The following GULP1 variants were observed in gnomAD, a reference collection of about 807,000 sequenced individuals.
GULP1 encodes GULP PTB domain containing engulfment adaptor 1, also known as PTB domain-containing engulfment adapter protein 1.
Under a neutral mutation model 40.9 loss-of-function variants are expected in GULP1, and 19 were observed. The observed-to-expected ratio is 0.46, with a 90% CI of 0.32 to 0.68. The LOEUF (loss-of-function observed/expected upper bound fraction) is 0.68. Among genes scored for constraint, GULP1 ranks in the 30% least tolerant of loss-of-function variants. The pLI is 0.03. For synonymous variants in GULP1, 119 were observed against 117.6 expected (o/e 1.01, Z -0.08); for missense variants, 312 against 362.2 (o/e 0.86, Z 1.12).
At chr2:188,437,738 T>C (rs1041276439) in intron 2 of GULP1, among the ~76,000 whole-genome samples, 11 of 152,090 alleles carry the variant, frequency 7.2e-5, no homozygotes, top group African/African-American at 2.7e-4. Flanking sequence ...TGGAATACTA[T>C]ACAGCCATAA....
chr2:188,382,892 G>A (rs13422836), intron 1 of GULP1, among the ~76,000 whole-genome samples: 30,789 of 152,090 alleles, frequency 0.2, 3,310 homozygotes, highest in African/African-American at 0.26. Context: ...AGATGGCTTA[G>A]ATTGAAACAC....
At chr2:188,561,970 A>G (rs1271427091) in intron 7 of GULP1, among the ~76,000 whole-genome samples, 1 of 152,184 alleles carries the variant, frequency 6.6e-6, no homozygotes, top group African/African-American at 2.4e-5. Context: ...TCTACCCGGC[A>G]GCTACAGCCA....
At chr2:188,391,324 C>A (rs1245933842) in intron 2 of GULP1, among the ~76,000 whole-genome samples, 1 of 152,026 alleles carries the variant, frequency 6.6e-6, no homozygotes, top group Non-Finnish European at 1.5e-5. Flanking sequence ...TCTTTCACAT[C>A]CTTGGTTAAG....
At chr2:188,365,544 T>G (rs1574757528) in intron 1 of GULP1, among the ~76,000 whole-genome samples, 1 of 152,332 alleles carries the variant, frequency 6.6e-6, no homozygotes, top group South Asian at 2.1e-4. Flanking sequence ...TACCAATATT[T>G]ATTAGAAGGA....
chr2:188,335,722 A>G (rs938353478), intron 1 of GULP1, among the ~76,000 whole-genome samples: 5 of 152,180 alleles, frequency 3.3e-5, no homozygotes, highest in African/African-American at 1.2e-4. Context: ...ACAAAAGCCT[A>G]TTTTTGCCCT....
intron 4 of GULP1, among the ~76,000 whole-genome samples, chr2:188,507,480 A>G (rs1297254469): frequency 6.8e-6 from 1 of 146,294 alleles, no homozygotes; most frequent in Non-Finnish European, 1.5e-5. Flanking sequence ...GTACTAGGTT[A>G]GCCCTGAAAT....
intron 1 of GULP1, among the ~76,000 whole-genome samples, chr2:188,345,354 A>C (rs1372973380): frequency 6.6e-6 from 1 of 152,172 alleles, no homozygotes; most frequent in African/African-American, 2.4e-5. Context: ...ATCCTCTAAC[A>C]AGCTTCACTA....
intron 9 of GULP1, among the ~76,000 whole-genome samples, chr2:188,575,104 A>G (rs535303457): frequency 6.6e-6 from 1 of 152,328 alleles, no homozygotes; most frequent in Admixed American, 6.5e-5. Context: ...AATATTCAAG[A>G]CTTCTAAAAA....
chr2:188,531,329 A>G (rs775453231), intron 6 of GULP1, among the ~76,000 whole-genome samples: 24 of 152,246 alleles, frequency 1.6e-4, no homozygotes, highest in Non-Finnish European at 3.2e-4. Flanking sequence ...ATAAAAATTA[A>G]CTGAGGCATT....
chr2:188,522,151 T>C (rs1316919151), intron 4 of GULP1, among the ~76,000 whole-genome samples: 1 of 152,146 alleles, frequency 6.6e-6, no homozygotes, highest in Non-Finnish European at 1.5e-5. Flanking sequence ...TCTTTAACTA[T>C]AGCTTTACTT....
At chr2:188,428,792 G>A (rs1282540564) in intron 2 of GULP1, among the ~76,000 whole-genome samples, 1 of 151,892 alleles carries the variant, frequency 6.6e-6, no homozygotes, top group Non-Finnish European at 1.5e-5. Context: ...AATGTCTAAT[G>A]ACTACATTCA....
chr2:188,331,889 A>G (rs1283806998), intron 1 of GULP1, among the ~76,000 whole-genome samples: 5 of 152,158 alleles, frequency 3.3e-5, no homozygotes, highest in Non-Finnish European at 7.3e-5. Context: ...ACTTGTCTTC[A>G]TATCTTGTTT....
At chr2:188,529,334 T>C in intron 6 of GULP1, 139 bp downstream of exon 6, 1 of 502,462 alleles carries the variant, frequency 2.0e-6, no homozygotes. Context: ...CTAGGAGTTT[T>C]AGAAGTGAAA....
intron 2 of GULP1, among the ~76,000 whole-genome samples, chr2:188,429,989 G>T (rs1488451418): frequency 6.6e-6 from 1 of 152,106 alleles, no homozygotes; most frequent in Non-Finnish European, 1.5e-5. Context: ...GATTTCAGTG[G>T]AGTTTTTTCC....
At chr2:188,587,353 A>G (rs565582069) in intron 10 of GULP1, among the ~76,000 whole-genome samples, 41 of 152,170 alleles carry the variant, frequency 2.7e-4, no homozygotes, top group African/African-American at 9.6e-4. Flanking sequence ...ACATGAGACA[A>G]TGTGCTTTAA....
chr2:188,306,225 C>T (rs1462158692), intron 1 of GULP1, among the ~76,000 whole-genome samples: 1 of 152,104 alleles, frequency 6.6e-6, no homozygotes, highest in Non-Finnish European at 1.5e-5. Flanking sequence ...TAACATTTTT[C>T]TTCACTGAGA....
At chr2:188,364,022 T>C (rs59080597) in intron 1 of GULP1, among the ~76,000 whole-genome samples, 3,428 of 152,308 alleles carry the variant, frequency 0.023, 145 homozygotes, top group African/African-American at 0.078. Context: ...TTACATTCAG[T>C]GCACTTAATG....
intron 5 of GULP1, 41 bp downstream of exon 5, chr2:188,522,868 C>G: frequency 8.1e-7 from 1 of 1,240,362 alleles, no homozygotes; most frequent in Non-Finnish European, 1.2e-6. Context: ...TGTATTGACT[C>G]TGTCATGTTT....
chr2:188,312,942 C>A (rs2038424427), intron 1 of GULP1, among the ~76,000 whole-genome samples: 4 of 149,944 alleles, frequency 2.7e-5, no homozygotes, highest in Admixed American at 2.0e-4. Context: ...TGTTCATATC[C>A]TTTGCCCACT....
Sources: allele counts gnomAD v4.1 joint callset (sites outside exome capture counted in the v4.1 genomes callset), GRCh38; gene constraint gnomAD v4.1.1; transcripts MANE v1.5; gene names NCBI Gene and HGNC (gene_info 2026-07-23, HGNC 2026-07-21).